The following ASTN2 variants were observed in gnomAD, a reference collection of about 807,000 sequenced individuals.
ASTN2 encodes the protein astrotactin 2.
Under a neutral mutation model 139.8 loss-of-function variants are expected in ASTN2, and 54 were observed. That is an observed-to-expected ratio of 0.39 (90% CI 0.31 to 0.48). ASTN2 has a LOEUF of 0.48. Ranked by LOEUF, ASTN2 falls within the 20% of genes least tolerant of loss-of-function variation. The probability of loss-of-function intolerance (pLI) is 0.95; values close to 1 mark genes in which losing one functional copy is unlikely to be tolerated. For missense variants in ASTN2, 1,565 were observed against 1,725.1 expected (o/e 0.91, Z 1.64); for synonymous variants, 756 against 719.5 (o/e 1.05, Z -0.81).
intron 7 of ASTN2, among the ~76,000 whole-genome samples, chr9:116,994,573 A>G (rs1036893886): frequency 3.3e-5 from 5 of 152,242 alleles, no homozygotes; most frequent in Admixed American, 1.3e-4. Context: ...GAAAGCCACC[A>G]GCCAGATGTG....
intron 13 of ASTN2, among the ~76,000 whole-genome samples, chr9:116,789,920 C>CTTTTTTT (rs57433960): frequency 4.6e-4 from 43 of 93,312 alleles, no homozygotes; most frequent in African/African-American, 1.3e-3. Flanking sequence ...TTCTCTTTCT[C>CTTTTTTT]TTTTTTTTTT....
intron 5 of ASTN2, among the ~76,000 whole-genome samples, chr9:117,090,421 CT>C (rs5900262): frequency 0.029 from 4,355 of 152,222 alleles, 195 homozygotes; most frequent in African/African-American, 0.098. Context: ...GAAGTTCTAC[CT>C]GGAAATACCA....
intron 10 of ASTN2, among the ~76,000 whole-genome samples, chr9:116,929,123 A>G (rs187496111): frequency 6.6e-6 from 1 of 152,344 alleles, no homozygotes; most frequent in Non-Finnish European, 1.5e-5. Context: ...CTTGGGAACT[A>G]GAATGCTTGT....
At chr9:116,703,507 A>G (rs968515530) in intron 16 of ASTN2, among the ~76,000 whole-genome samples, 4 of 148,362 alleles carry the variant, frequency 2.7e-5, no homozygotes, top group Admixed American at 6.8e-5. Context: ...ATTCTCACTC[A>G]TAGGTGGGAA....
rs112357487 is a variant in ASTN2 at position 116,607,984 on chromosome 9, A to C, written c.3355+10340T>G. 4.9e-3 allele frequency among the ~76,000 whole-genome samples: 739 copies of C among 152,244 alleles called. 5 individuals are homozygous for C. Among genetic ancestry groups the C allele is most frequent in the African/African-American group, 0.017 (717 of 41,556 alleles). On this transcript the variant is annotated intron_variant, in intron 19 of 22. Coordinates refer to ENST00000313400, the MANE Select transcript of ASTN2 (RefSeq NM_001365068.1). ...TCAAACAAACAAACAAAAAAACATA[A>C]AACAAGCTTGTCAGCAACTGGAAAT...
chr9:116,699,778 C>G lies in ASTN2; in HGVS notation c.2806+25993G>C. 6.3e-7 allele frequency: 1 copy of G among 1,599,498 alleles called. No homozygotes were observed. ...CCTTAGTTCTTGGTTGTTAGTGGCA[C>G]ATGCAGAATAGACTCAGCCTATGTC... On this transcript the variant is annotated intron_variant, in intron 16 of 22. Transcript: ENST00000313400. This position sits in a 1 kb window ranked among gnomAD's most constrained non-coding sequence, Gnocchi z 4.2.
chr9:116,847,743 T>C (rs1832483283), intron 11 of ASTN2, among the ~76,000 whole-genome samples: 1 of 152,170 alleles, frequency 6.6e-6, no homozygotes, highest in South Asian at 2.1e-4. Flanking sequence ...GGCAAGTGAG[T>C]GGCACAGCCA....
At chr9:116,985,521 C>T (rs573811096) in intron 7 of ASTN2, among the ~76,000 whole-genome samples, 12 of 152,206 alleles carry the variant, frequency 7.9e-5, no homozygotes, top group African/African-American at 2.9e-4. Flanking sequence ...GCCAGGGTAA[C>T]CCTTTCCACT....
intron 4 of ASTN2, among the ~76,000 whole-genome samples, chr9:117,131,938 T>C (rs995798926): frequency 1.3e-5 from 2 of 152,220 alleles, no homozygotes; most frequent in African/African-American, 4.8e-5. Flanking sequence ...TAAACCTCTT[T>C]AAATATTTTA....
At chr9:116,524,936 A>T (rs1371099341) in intron 19 of ASTN2, among the ~76,000 whole-genome samples, 1 of 152,218 alleles carries the variant, frequency 6.6e-6, no homozygotes, top group Non-Finnish European at 1.5e-5. Flanking sequence ...TGGTATAAAG[A>T]TACCTGAAAA....
chr9:117,134,240 A>AAT (rs1309731635), intron 4 of ASTN2, among the ~76,000 whole-genome samples: 5 of 147,556 alleles, frequency 3.4e-5, no homozygotes, highest in African/African-American at 1.3e-4. Flanking sequence ...CTAATTGAAT[A>AAT]ATTCATGACC....
At chr9:116,457,242 G>A (rs532298272) in intron 20 of ASTN2, among the ~76,000 whole-genome samples, 9 of 152,162 alleles carry the variant, frequency 5.9e-5, no homozygotes, top group East Asian at 1.9e-4. Flanking sequence ...CTCATATTAC[G>A]AAACTACTAC....
chr9:116,727,043 CA>C (rs1828646626), intron 15 of ASTN2, among the ~76,000 whole-genome samples: 4 of 150,098 alleles, frequency 2.7e-5, no homozygotes, highest in South Asian at 2.1e-4. Context: ...CACACACACA[CA>C]CACACACACA....
At chr9:116,962,241 T>A (rs1439067867) in intron 10 of ASTN2, among the ~76,000 whole-genome samples, 1 of 152,244 alleles carries the variant, frequency 6.6e-6, no homozygotes, top group East Asian at 1.9e-4. Flanking sequence ...AGCATGGGCA[T>A]CCTATCCACA....
At chr9:116,799,955 T>A (rs1830800972) in intron 13 of ASTN2, among the ~76,000 whole-genome samples, 2 of 152,214 alleles carry the variant, frequency 1.3e-5, no homozygotes, top group South Asian at 4.1e-4. Flanking sequence ...GCTCTTCACA[T>A]TTCCACAGAA....
At chr9:116,609,398 T>C (rs1307085851) in intron 19 of ASTN2, among the ~76,000 whole-genome samples, 1 of 145,638 alleles carries the variant, frequency 6.9e-6, no homozygotes, top group African/African-American at 2.5e-5. Context: ...TATATATATA[T>C]ATATATATAT....
intron 17 of ASTN2, among the ~76,000 whole-genome samples, chr9:116,634,860 G>C (rs1020415028): frequency 6.6e-6 from 1 of 152,024 alleles, no homozygotes; most frequent in Non-Finnish European, 1.5e-5. Context: ...CTAAGGGTAA[G>C]ACAATTACTA....
At chr9:117,390,060 A>G (rs1830503255) in intron 1 of ASTN2, among the ~76,000 whole-genome samples, 1 of 152,198 alleles carries the variant, frequency 6.6e-6, no homozygotes, top group Non-Finnish European at 1.5e-5. Context: ...GAATCACCTA[A>G]GCCACTGGGA....
At position 116,839,887 on chromosome 9, in the gene ASTN2, T is replaced by TATTATTATTATTA. The variant is rs1564297225; in HGVS notation, c.2041-19105_2041-19104insTAATAATAATAAT. On this transcript the variant is annotated intron_variant, in intron 11 of 22. Coordinates refer to ENST00000313400, the MANE Select transcript of ASTN2 (RefSeq NM_001365068.1). ...TATTATTATTATTATTATTATTTTTTTTTTTTTAATTGATCATTCTTGGGT... is the reference window on the plus strand; with the variant it reads ...TATTATTATTATTATTATTATTTTTTATTATTATTATTATTTTTTTAATTGATCATTCTTGGGT... Among the ~76,000 whole-genome samples the TATTATTATTATTA allele has an allele frequency of 8.9e-4, 81 of 91,442 alleles. 1 individual carries two copies. The highest frequency in any genetic ancestry group is 4.3e-3 in the African/African-American group (79 of 18,556). The allele number at this position is 91,442 out of a possible 152,430, so 60.0% of individuals were successfully genotyped here.
Sources: gnomAD v4.1 joint callset for allele counts (sites outside exome capture counted in the v4.1 genomes callset) on GRCh38, gnomAD v4.1.1 for gene constraint, Gnocchi (gnomAD v3.1) non-coding constraint, MANE v1.5 for transcripts, NCBI Gene and HGNC (gene_info 2026-07-23, HGNC 2026-07-21) for gene names.